ARPC4: variants seen among roughly 807,000 people sequenced by gnomAD.
The protein encoded by ARPC4 is actin-related protein 2/3 complex subunit 4.
ARPC4 carries 3 observed loss-of-function variants against 22.8 expected under a neutral mutation model. The ratio of observed to expected loss-of-function variants is 0.13; its 90% CI spans 0.06 to 0.34. ARPC4 has a LOEUF of 0.34. ARPC4 is among the 10% of genes least tolerant of loss of function. ARPC4 has a pLI of 1.00. For synonymous variants in ARPC4, 80 were observed against 72.5 expected (o/e 1.10, Z -0.52); for missense variants, 98 against 211.0 (o/e 0.46, Z 3.32).
chr3:9,804,130 C>A, intron 5 of ARPC4, 117 bp downstream of exon 5: 1 of 1,186,970 alleles, frequency 8.4e-7, no homozygotes, highest in South Asian at 1.6e-5. Context: ...CCTGAGCTCT[C>A]TAGGACCCCT....
At chr3:9,803,579 T>A (rs910493457) in intron 4 of ARPC4, 1 of 614,592 alleles carries the variant, frequency 1.6e-6, no homozygotes, top group African/African-American at 1.8e-5. Context: ...TCATTCTGAA[T>A]GCAGAGCTGT....
rs1241378397 is a variant in ARPC4 at position 9,806,280 on chromosome 3, G to A, written c.*65G>A. 3 of 1,574,082 alleles carry A rather than the reference G, an allele frequency of 1.9e-6. No individual in the cohort carries two copies. Among genetic ancestry groups the A allele is most frequent in the East Asian group, 4.5e-5 (2 of 44,696 alleles). ...CCCATGTCTCCACGAAGGCGTCCTG[G>A]AGTCACTCCCCGAGCAGCGCGGCGG... is the stretch of plus-strand genomic sequence containing the variant. On this transcript the variant is annotated 3_prime_UTR_variant, in exon 6 of 6. Coordinates refer to ENST00000397261, the MANE Select transcript of ARPC4 (RefSeq NM_005718.5).
Position 9,800,251 on chromosome 3 carries a change from T to G in ARPC4, c.189T>G (p.Ile63Met). 1 of 1,614,128 alleles carries G rather than the reference T, an allele frequency of 6.2e-7. No individual in the cohort carries two copies. Among genetic ancestry groups the G allele is most frequent in the Non-Finnish European group, 8.5e-7 (1 of 1,180,034 alleles). The change falls in exon 3 of 6, where the codon ATT becomes ATG. Residue 63 changes from isoleucine to methionine, a missense_variant. Coordinates refer to ENST00000397261, the MANE Select transcript of ARPC4 (RefSeq NM_005718.5). ...GGAATGAGAAGGAAAAGGTTCTGATTGAGGGCTCCATCAACTCTGTCCGGG... is the reference window on the plus strand; with the variant it reads ...GGAATGAGAAGGAAAAGGTTCTGATGGAGGGCTCCATCAACTCTGTCCGGG... ...ISRNEKEKVLIEGSINSVRVS... is the reference protein window; with the variant it reads ...ISRNEKEKVLMEGSINSVRVS...
intron 3 of ARPC4, among the ~76,000 whole-genome samples, chr3:9,800,587 G>GAGT (rs2078987678): frequency 1.3e-5 from 2 of 152,082 alleles, no homozygotes; most frequent in African/African-American, 2.4e-5. Flanking sequence ...ACCACGCCCA[G>GAGT]TTAATTTTTG....
chr3:9,798,672 G>A (rs994217008), intron 2 of ARPC4, among the ~76,000 whole-genome samples: 7 of 152,064 alleles, frequency 4.6e-5, no homozygotes, highest in African/African-American at 1.7e-4. Context: ...TCAAGAGATC[G>A]AGAGCATCCT....
intron 4 of ARPC4, chr3:9,803,420 G>A (rs959668484): frequency 9.0e-5 from 40 of 443,198 alleles, no homozygotes; most frequent in African/African-American, 6.4e-4. Context: ...GGGGCCACCC[G>A]GAATAAATAA....
intron 4 of ARPC4, chr3:9,803,440 TCCTC>T: frequency 2.2e-6 from 1 of 455,276 alleles, no homozygotes; most frequent in Middle Eastern, 3.3e-4. Context: ...AAATTGATCT[TCCTC>T]CCACAGCCCT....
intron 5 of ARPC4, among the ~76,000 whole-genome samples, chr3:9,804,642 A>G (rs1251853982): frequency 6.6e-6 from 1 of 152,026 alleles, no homozygotes; most frequent in Non-Finnish European, 1.5e-5. Flanking sequence ...CCTTTTTCCA[A>G]GCAATCTTTG....
chr3:9,792,577 G>A (rs2078765343), upstream of ARPC4: 7 of 1,229,416 alleles, frequency 5.7e-6, no homozygotes, highest in Non-Finnish European at 6.1e-6. Context: ...CTCGAGCAAA[G>A]CCGCTAGAGG....
Position 9,793,116 on chromosome 3 carries a change from C to T in ARPC4, c.-6C>T. The T allele has an allele frequency of 6.5e-7, 1 of 1,544,156 alleles. No individual in the cohort carries two copies. Among genetic ancestry groups the T allele is most frequent in the Non-Finnish European group, 8.7e-7 (1 of 1,144,146 alleles). On this transcript the variant is annotated 5_prime_UTR_variant, in exon 1 of 6. Coordinates refer to ENST00000397261, the MANE Select transcript of ARPC4 (RefSeq NM_005718.5). ...CTTCCGCTTTCCGGCCCAGCCAGCGCCCGCGATGGTGAGAGAGCCGGGCCC... is the reference window on the plus strand; with the variant it reads ...CTTCCGCTTTCCGGCCCAGCCAGCGTCCGCGATGGTGAGAGAGCCGGGCCC...
chr3:9,792,948 G>A (rs141456239), upstream of ARPC4: 7 of 1,414,114 alleles, frequency 5.0e-6, no homozygotes, highest in African/African-American at 8.9e-5. Context: ...AGCCCTAGGT[G>A]GAAAACTTCC....
At chr3:9,806,182 A>G (rs887098679) in intron 5 of ARPC4, 28 bp from the exon 6 acceptor site, 3 of 1,613,370 alleles carry the variant, frequency 1.9e-6, no homozygotes, top group Non-Finnish European at 2.5e-6. Flanking sequence ...AATAACCACC[A>G]TGCACTGCCT....
chr3:9,797,838 T>C, intron 2 of ARPC4, 61 bp downstream of exon 2: 1 of 1,527,462 alleles, frequency 6.5e-7, no homozygotes, highest in Non-Finnish European at 8.9e-7. Flanking sequence ...GGCTGCTGTC[T>C]AGAAGGTGCC....
At chr3:9,799,251 C>T (rs2078959192) in intron 2 of ARPC4, among the ~76,000 whole-genome samples, 1 of 152,182 alleles carries the variant, frequency 6.6e-6, no homozygotes, top group South Asian at 2.1e-4. Context: ...GGTGTTCTCT[C>T]TGTATTCCTA....
intron 4 of ARPC4, 179 bp from the exon 5 acceptor site, chr3:9,803,664 C>A: frequency 2.5e-6 from 2 of 787,010 alleles, no homozygotes; most frequent in Non-Finnish European, 4.5e-6. Context: ...TTGGATCCAA[C>A]CTAGACACCC....
intron 1 of ARPC4, among the ~76,000 whole-genome samples, chr3:9,796,741 A>G (rs970569325): frequency 6.6e-6 from 1 of 152,132 alleles, no homozygotes; most frequent in Non-Finnish European, 1.5e-5. Flanking sequence ...GGAGATTGAG[A>G]CCATCCTGGC....
chr3:9,792,907 C>T, upstream of ARPC4: 8 of 1,398,394 alleles, frequency 5.7e-6, no homozygotes, highest in Non-Finnish European at 7.4e-6. Context: ...TAAATAGTGA[C>T]TCGAGTGCAA....
At chr3:9,792,830 G>C (rs1361164377), upstream of ARPC4, 1 of 1,357,004 alleles carries the variant, frequency 7.4e-7, no homozygotes, top group Admixed American at 3.6e-5. Flanking sequence ...ACCTGGGGGA[G>C]GCTGTGGCAA....
intron 1 of ARPC4, 57 bp from the exon 2 acceptor site, chr3:9,797,602 G>C: frequency 1.3e-6 from 2 of 1,572,560 alleles, no homozygotes; most frequent in East Asian, 2.3e-5. Context: ...ATAGGGGATC[G>C]GTGGGTTTGG....
Sources: gnomAD v4.1 joint callset for allele counts (sites outside exome capture counted in the v4.1 genomes callset) on GRCh38, gnomAD v4.1.1 for gene constraint, MANE v1.5 for transcripts, NCBI Gene and HGNC (gene_info 2026-07-23, HGNC 2026-07-21) for gene names.